Variants in SLC17A4 observed in about 807,000 individuals in gnomAD.
SLC17A4 encodes the protein solute carrier family 17 member 4.
In SLC17A4, 33 loss-of-function variants were observed where a neutral mutation model predicts 52.5. The observed-to-expected ratio is 0.63, with a 90% CI of 0.48 to 0.84. The LOEUF (loss-of-function observed/expected upper bound fraction) is 0.84, where lower values mean the gene tolerates loss of function less well. Among genes scored for constraint, SLC17A4 ranks in the 40% least tolerant of loss-of-function variants. SLC17A4 has a pLI of 0.00. For missense variants in SLC17A4, 585 were observed against 597.1 expected (o/e 0.98, Z 0.21); for synonymous variants, 225 against 216.2 (o/e 1.04, Z -0.36).
At chr6:25,776,982 C>T (rs1427347787) in intron 10 of SLC17A4, 23 bp downstream of exon 10, 4 of 1,585,150 alleles carry the variant, frequency 2.5e-6, no homozygotes, top group Non-Finnish European at 3.4e-6. Flanking sequence ...TTTGCCTCAT[C>T]CTTTCAGACA....
At chr6:25,764,484 G>T (rs755406310) in intron 2 of SLC17A4, among the ~76,000 whole-genome samples, 1 of 152,200 alleles carries the variant, frequency 6.6e-6, no homozygotes, top group Non-Finnish European at 1.5e-5. Flanking sequence ...CAACTAGATT[G>T]AAACTAAGGA....
intron 2 of SLC17A4, 33 bp from the exon 3 acceptor site, chr6:25,768,952 T>C: frequency 6.3e-7 from 1 of 1,599,284 alleles, no homozygotes. Flanking sequence ...AAAAGCATTC[T>C]GATTGTGATT....
chr6:25,769,278 A>G (rs919494224), intron 3 of SLC17A4, 88 bp downstream of exon 3: 2 of 1,225,628 alleles, frequency 1.6e-6, no homozygotes, highest in Admixed American at 4.2e-5. Flanking sequence ...TTTAACCACT[A>G]AGTATTTACT....
chr6:25,761,697 GC>G (rs1761546553), intron 1 of SLC17A4, among the ~76,000 whole-genome samples: 1 of 152,066 alleles, frequency 6.6e-6, no homozygotes, highest in South Asian at 2.1e-4. Context: ...GGCAATCCAG[GC>G]CAGATTTCTC....
intron 8 of SLC17A4, among the ~76,000 whole-genome samples, chr6:25,776,148 C>A (rs182002385): frequency 1.3e-5 from 2 of 149,926 alleles, no homozygotes; most frequent in Admixed American, 1.3e-4. Flanking sequence ...CAGAGCATGC[C>A]AAAAAAAAAT....
intron 2 of SLC17A4, among the ~76,000 whole-genome samples, chr6:25,767,567 A>G (rs1345470293): frequency 1.3e-5 from 2 of 152,194 alleles, no homozygotes; most frequent in African/African-American, 2.4e-5. Flanking sequence ...ATTAAAATAC[A>G]TTTTATAAAA....
chr6:25,762,531 T>C (rs972109667), intron 2 of SLC17A4, among the ~76,000 whole-genome samples: 1 of 152,224 alleles, frequency 6.6e-6, no homozygotes, highest in Admixed American at 6.5e-5. Flanking sequence ...AGGGAAACTG[T>C]AGAACATCTT....
chr6:25,764,909 A>G (rs1761878620), intron 2 of SLC17A4, among the ~76,000 whole-genome samples: 1 of 152,214 alleles, frequency 6.6e-6, no homozygotes, highest in South Asian at 2.1e-4. Context: ...CTCAAATTAT[A>G]CAATGTTATT....
In SLC17A4 at chr6:25,761,994, T is replaced by C; in HGVS notation, c.32T>C (p.Val11Ala). 2 of 1,613,078 alleles carry C rather than the reference T, an allele frequency of 1.2e-6. No individual in the cohort carries two copies. Among genetic ancestry groups the C allele is most frequent in the Non-Finnish European group, 1.7e-6 (2 of 1,179,696 alleles). ...ACCGGACCAGATGTCAAGGCTACAG[T>C]GGGGGACATTTCCAGTGATGGCAAT... MSTGPDVKAT[V>A]GDISSDGNLN... Residue 11 changes from valine to alanine, a missense_variant, in exon 2 of 12, where the codon GTG (valine) becomes GCG (alanine). Transcript: ENST00000377905.
intron 1 of SLC17A4, among the ~76,000 whole-genome samples, chr6:25,757,137 C>T (rs972550450): frequency 2.6e-5 from 4 of 152,168 alleles, no homozygotes; most frequent in African/African-American, 9.7e-5. Flanking sequence ...CATGGTCTAA[C>T]ATCTGTGGTT....
chr6:25,770,118 C>T lies in SLC17A4; in HGVS notation c.349C>T (p.Leu117Phe), dbSNP rs1337927939. The change falls in exon 4 of 12, where the codon CTC becomes TTC. Residue 117 changes from leucine to phenylalanine, a missense_variant. Leu to Phe is a conservative substitution (Grantham distance 22, BLOSUM62 0). Transcript: ENST00000377905. ...AATCCAGGGAATCATCCTCAGCTCC[C>T]TCAACTATGGCTCATTCTTGGCTCC... ...PEIQGIILSS[L>F]NYGSFLAPIP... is the part of the protein sequence containing the mutation. The T allele has an allele frequency of 6.2e-7, 1 of 1,614,122 alleles. No homozygotes were observed. The highest frequency in any genetic ancestry group is 1.1e-5 in the South Asian group (1 of 91,086).
chr6:25,779,092 A>G lies in SLC17A4; in HGVS notation c.1398A>G (p.Ser466=). 1 of 1,613,858 alleles carries G rather than the reference A, an allele frequency of 6.2e-7. No individual in the cohort carries two copies. Among genetic ancestry groups the G allele is most frequent in the Non-Finnish European group, 8.5e-7 (1 of 1,179,784 alleles). The change falls in exon 12 of 12, where the codon TCA becomes TCG. Residue 466 remains serine, a synonymous_variant. Coordinates refer to ENST00000377905, the MANE Select transcript of SLC17A4 (RefSeq NM_005495.3). ...GTTGGAGAAATGTCTTCTTGCTTTCAGCTGCTGTTAACATATCGGGCCTGG... is the reference window on the plus strand; with the variant it reads ...GTTGGAGAAATGTCTTCTTGCTTTCGGCTGCTGTTAACATATCGGGCCTGG... ...EFGWRNVFLL[S]AAVNISGLVF...
intron 2 of SLC17A4, among the ~76,000 whole-genome samples, chr6:25,766,213 A>G (rs1222163384): frequency 1.3e-5 from 2 of 151,404 alleles, no homozygotes; most frequent in African/African-American, 4.8e-5. Context: ...ATGAATAAAG[A>G]AAAAATTATA....
chr6:25,762,802 T>C (rs1761659991), intron 2 of SLC17A4, among the ~76,000 whole-genome samples: 1 of 152,234 alleles, frequency 6.6e-6, no homozygotes, highest in Non-Finnish European at 1.5e-5. Flanking sequence ...AGTCACCATT[T>C]GACCCAGAAT....
intron 8 of SLC17A4, among the ~76,000 whole-genome samples, chr6:25,773,988 A>G (rs1048392930): frequency 5.9e-5 from 9 of 152,172 alleles, no homozygotes; most frequent in East Asian, 1.9e-4. Flanking sequence ...TTTATACTCA[A>G]TCCCATCAAA....
chr6:25,770,071 C>T lies in SLC17A4; in HGVS notation c.302C>T (p.Pro101Leu), dbSNP rs759525451. 1 of 1,613,790 alleles carries T rather than the reference C, an allele frequency of 6.2e-7. No homozygotes were observed. The highest frequency in any genetic ancestry group is 1.1e-5 in the South Asian group (1 of 91,064). The change falls in exon 4 of 12, where the codon CCT (proline) becomes CTT (leucine). Residue 101 changes from proline to leucine, a missense_variant. Coordinates refer to ENST00000377905, the MANE Select transcript of SLC17A4 (RefSeq NM_005495.3). ...ETLKEFKAMA[P>L]AYDWSPEIQG... ...GTAACTCTCTTTGTCATCTAGGCCC[C>T]TGCATATGACTGGAGTCCTGAAATC...
Position 25,773,612 on chromosome 6 carries a change from T to C in SLC17A4, c.925T>C (p.Tyr309His). 3 of 1,614,004 alleles carry C rather than the reference T, an allele frequency of 1.9e-6. No homozygotes were observed. Among genetic ancestry groups the C allele is most frequent in the Non-Finnish European group, 1.7e-6 (2 of 1,179,916 alleles). The change falls in exon 8 of 12, where the codon TAT becomes CAT. Residue 309 changes from tyrosine (Y) to histidine (H), a missense_variant. Coordinates refer to ENST00000377905, the MANE Select transcript of SLC17A4 (RefSeq NM_005495.3). ...TTATTTCTGTGAATACTGGCTTTTTTATACCATTATGGCGTACACACCAAC... is the reference window on the plus strand; with the variant it reads ...TTATTTCTGTGAATACTGGCTTTTTCATACCATTATGGCGTACACACCAAC... ...VSYFCEYWLFYTIMAYTPTYI... is the reference protein window; with the variant it reads ...VSYFCEYWLFHTIMAYTPTYI...
rs1762357499 is a variant in SLC17A4, at chr6:25,770,120, C to A, written c.351C>A (p.Leu117=). 1 of 1,614,110 alleles carries A rather than the reference C, an allele frequency of 6.2e-7. No homozygotes were observed. Among genetic ancestry groups the A allele is most frequent in the African/African-American group, 1.3e-5 (1 of 75,034 alleles). Residue 117 remains leucine (L), a synonymous_variant, in exon 4 of 12, where the codon CTC becomes CTA. Transcript: ENST00000377905. ...TCCAGGGAATCATCCTCAGCTCCCT[C>A]AACTATGGCTCATTCTTGGCTCCAA... ...PEIQGIILSS[L]NYGSFLAPIP...
chr6:25,770,524 A>G, intron 5 of SLC17A4, 53 bp downstream of exon 5: 1 of 1,538,052 alleles, frequency 6.5e-7, no homozygotes, highest in Non-Finnish European at 9.0e-7. Flanking sequence ...AGAACTCAGC[A>G]AAGTCCTGCC....
Sources: allele counts gnomAD v4.1 joint callset (sites outside exome capture counted in the v4.1 genomes callset), GRCh38; gene constraint gnomAD v4.1.1; transcripts MANE v1.5; gene names NCBI Gene and HGNC (gene_info 2026-07-23, HGNC 2026-07-21).